ATRNL1: variants seen among roughly 807,000 people sequenced by gnomAD.
ATRNL1 encodes the protein attractin like 1.
In ATRNL1, 95 loss-of-function variants were observed where a neutral mutation model predicts 182.7. That is an observed-to-expected ratio of 0.52 (90% CI 0.44 to 0.62). The LOEUF (loss-of-function observed/expected upper bound fraction) is 0.62, where lower values mean the gene tolerates loss of function less well. Ranked by LOEUF, ATRNL1 falls within the 20% of genes least tolerant of loss-of-function variation. The probability of loss-of-function intolerance (pLI) is 0.00; values close to 1 mark genes in which losing one functional copy is unlikely to be tolerated. For synonymous variants in ATRNL1, 576 were observed against 568.3 expected, an observed-to-expected ratio of 1.01 and a Z score of -0.19; for missense variants, 1,471 against 1,679.5, an observed-to-expected ratio of 0.88 and a Z score of 2.17.
At chr10:115,831,164 C>T (rs775552805) in intron 27 of ATRNL1, among the ~76,000 whole-genome samples, 28 of 152,114 alleles carry the variant, frequency 1.8e-4, no homozygotes, top group Non-Finnish European at 4.0e-4. Flanking sequence ...TTGGTATTTC[C>T]CGGTTTGCTT....
intron 27 of ATRNL1, among the ~76,000 whole-genome samples, chr10:115,729,785 A>G (rs1184128013): frequency 5.3e-5 from 8 of 151,964 alleles, no homozygotes; most frequent in Admixed American, 5.2e-4. Flanking sequence ...CTCCTTCCAT[A>G]TGTTAATACC....
At chr10:115,395,238 T>C (rs946430070) in intron 20 of ATRNL1, among the ~76,000 whole-genome samples, 1 of 152,014 alleles carries the variant, frequency 6.6e-6, no homozygotes. Context: ...CACATTTTCT[T>C]TATCCAGTCC....
chr10:115,343,973 C>T (rs1453924323), intron 19 of ATRNL1, among the ~76,000 whole-genome samples: 9 of 152,110 alleles, frequency 5.9e-5, no homozygotes, highest in South Asian at 2.1e-4. Context: ...TATTTTCTCC[C>T]GAACAAACAG....
At chr10:115,582,625 A>T (rs1167694843) in intron 26 of ATRNL1, among the ~76,000 whole-genome samples, 1 of 141,484 alleles carries the variant, frequency 7.1e-6, no homozygotes, top group African/African-American at 2.5e-5. Flanking sequence ...GTTTGAGTTC[A>T]TTGTAGATTC....
intron 26 of ATRNL1, among the ~76,000 whole-genome samples, chr10:115,580,499 C>G (rs1480046580): frequency 1.3e-5 from 2 of 151,896 alleles, no homozygotes; most frequent in Non-Finnish European, 2.9e-5. Context: ...GCCTTTTTTT[C>G]TCACTGCTTT....
At chr10:115,727,380 G>A (rs1947632336) in intron 27 of ATRNL1, 25 bp downstream of exon 27, 1 of 1,542,308 alleles carries the variant, frequency 6.5e-7, no homozygotes. Context: ...GCTGAAAGAG[G>A]ACCACTGTGC....
intron 2 of ATRNL1, 56 bp from the exon 3 acceptor site, chr10:115,121,643 A>C: frequency 3.0e-6 from 2 of 662,516 alleles, no homozygotes; most frequent in Non-Finnish European, 4.9e-6. Context: ...TTATGTATTT[A>C]TTCACTCTGT....
chr10:115,245,375 T>C (rs1231359203), intron 10 of ATRNL1, among the ~76,000 whole-genome samples: 1 of 151,780 alleles, frequency 6.6e-6, no homozygotes, highest in African/African-American at 2.4e-5. Context: ...GGTGCATGCC[T>C]GTAATCCTGG....
intron 26 of ATRNL1, among the ~76,000 whole-genome samples, chr10:115,713,660 C>A (rs1555055303): frequency 6.8e-6 from 1 of 147,490 alleles, no homozygotes; most frequent in Non-Finnish European, 1.5e-5. Flanking sequence ...ATTTAAAACT[C>A]ATTCAGGTTC....
chr10:115,542,396 G>T (rs1243112043), intron 25 of ATRNL1, among the ~76,000 whole-genome samples: 1 of 152,024 alleles, frequency 6.6e-6, no homozygotes, highest in Non-Finnish European at 1.5e-5. Flanking sequence ...ACGTGGCTGT[G>T]TAGCAAACCA....
At chr10:115,379,204 T>C (rs1415604446) in intron 19 of ATRNL1, among the ~76,000 whole-genome samples, 3 of 152,216 alleles carry the variant, frequency 2.0e-5, no homozygotes, top group African/African-American at 7.2e-5. Context: ...CATCATCATA[T>C]ATAAAATTTT....
At chr10:115,597,994 AATC>A (rs1856361493) in intron 26 of ATRNL1, 1 of 160,642 alleles carries the variant, frequency 6.2e-6, no homozygotes, top group South Asian at 1.6e-4. Context: ...TTCACATACA[AATC>A]CAGGTATTTA....
chr10:115,122,438 A>G (rs1554871948), intron 3 of ATRNL1, among the ~76,000 whole-genome samples: 2 of 151,922 alleles, frequency 1.3e-5, no homozygotes, highest in African/African-American at 4.8e-5. Context: ...TAGACACAGA[A>G]AAAATTATGA....
At chr10:115,562,238 G>GA (rs781911695) in intron 26 of ATRNL1, among the ~76,000 whole-genome samples, 3 of 152,102 alleles carry the variant, frequency 2.0e-5, no homozygotes, top group Non-Finnish European at 2.9e-5. Flanking sequence ...AAAGATCCTT[G>GA]AAAACATTAG....
chr10:115,625,093 C>T (rs1254606445), intron 26 of ATRNL1, among the ~76,000 whole-genome samples: 4 of 151,994 alleles, frequency 2.6e-5, no homozygotes, highest in Non-Finnish European at 4.4e-5. Flanking sequence ...TATATACCTT[C>T]CCTAAAAGCC....
chr10:115,627,433 C>T (rs1465124530), intron 26 of ATRNL1, among the ~76,000 whole-genome samples: 1 of 152,092 alleles, frequency 6.6e-6, no homozygotes, highest in African/African-American at 2.4e-5. Flanking sequence ...GGTAAGACCT[C>T]AGCTCATTGC....
chr10:115,439,842 G>A (rs1846582876), intron 21 of ATRNL1, among the ~76,000 whole-genome samples: 1 of 151,784 alleles, frequency 6.6e-6, no homozygotes, highest in Non-Finnish European at 1.5e-5. Context: ...GACAGGCTTT[G>A]GAAGCTGGAA....
At chr10:115,491,949 T>C (rs1196621311) in intron 24 of ATRNL1, among the ~76,000 whole-genome samples, 1 of 151,988 alleles carries the variant, frequency 6.6e-6, no homozygotes, top group Non-Finnish European at 1.5e-5. Context: ...TGGCCTGGAG[T>C]GCGCTGTTCC....
intron 27 of ATRNL1, among the ~76,000 whole-genome samples, chr10:115,787,638 T>C (rs782771660): frequency 6.6e-6 from 1 of 152,128 alleles, no homozygotes; most frequent in Non-Finnish European, 1.5e-5. Flanking sequence ...ATTTTGAAAA[T>C]ATGATCCAAG....
Sources: gnomAD v4.1 joint callset for allele counts (sites outside exome capture counted in the v4.1 genomes callset) on GRCh38, gnomAD v4.1.1 for gene constraint, MANE v1.5 for transcripts, NCBI Gene and HGNC (gene_info 2026-07-23, HGNC 2026-07-21) for gene names.